GRM7: variants seen among roughly 807,000 people sequenced by gnomAD.
GRM7 encodes the protein metabotropic glutamate receptor 7.
Under a neutral mutation model 84.5 loss-of-function variants are expected in GRM7, and 35 were observed. The observed-to-expected ratio is 0.41, with a 90% confidence interval of 0.32 to 0.55. GRM7 has a LOEUF of 0.55. Among genes scored for constraint, GRM7 ranks in the 20% least tolerant of loss-of-function variants. The pLI, the probability that GRM7 is intolerant of heterozygous loss-of-function variation, is 0.19. For missense variants in GRM7, 1,003 were observed against 1,194.6 expected, an observed-to-expected ratio of 0.84 and a Z score of 2.36; for synonymous variants, 487 against 455.1, an observed-to-expected ratio of 1.07 and a Z score of -0.89.
intron 7 of GRM7, among the ~76,000 whole-genome samples, chr3:7,487,956 A>G (rs1193946062): frequency 6.6e-6 from 1 of 152,164 alleles, no homozygotes; most frequent in African/African-American, 2.4e-5. Context: ...GCAAAGCCAC[A>G]GGGGAGGAGC....
intron 1 of GRM7, among the ~76,000 whole-genome samples, chr3:7,118,003 C>A (rs1240122608): frequency 6.6e-6 from 1 of 152,114 alleles, no homozygotes; most frequent in South Asian, 2.1e-4. Flanking sequence ...GTACAAAAAA[C>A]TCCTTAACTA....
intron 7 of GRM7, among the ~76,000 whole-genome samples, chr3:7,462,320 G>A (rs902789616): frequency 6.6e-6 from 1 of 152,188 alleles, no homozygotes; most frequent in African/African-American, 2.4e-5. Flanking sequence ...TTCTATTTAG[G>A]CCTTGAAATA....
rs148256858 is a variant in GRM7, at chr3:7,368,163, G to A, written c.1034-46860G>A. The stretch of plus-strand genomic sequence containing the variant: ...AGCTGTGTGGACTTCTTATCTGCCC[G>A]GGAGATTGGTTTACAAAGACTACAA... On this transcript the variant is annotated intron_variant, in intron 4 of 9. Coordinates refer to ENST00000357716, the MANE Select transcript of GRM7 (RefSeq NM_000844.4). 6.6e-4 allele frequency among the ~76,000 whole-genome samples: 101 copies of A among 151,992 alleles called. 1 individual carries two copies. Among genetic ancestry groups the A allele is most frequent in the East Asian group, 5.4e-3 (28 of 5,156 alleles).
In GRM7 at chr3:7,390,087, A is replaced by G. The variant is rs532239522; in HGVS notation, c.1034-24936A>G. Among the ~76,000 whole-genome samples the G allele has an allele frequency of 5.9e-5, 9 of 152,164 alleles. 1 individual carries two copies. The East Asian group carries it at 1.2e-3, about 20-fold the overall frequency. ...CCCCTAGTGATTGCTTGTCTGGGAAATATTTTATTTCTCCTTCATTTATGA... is the reference window on the plus strand; with the variant it reads ...CCCCTAGTGATTGCTTGTCTGGGAAGTATTTTATTTCTCCTTCATTTATGA... On this transcript the variant is annotated intron_variant, in intron 4 of 9. Transcript: ENST00000357716.
chr3:7,493,922 T>A (rs757215880), intron 7 of GRM7, among the ~76,000 whole-genome samples: 16 of 152,116 alleles, frequency 1.1e-4, no homozygotes, highest in Non-Finnish European at 2.2e-4. Context: ...ATTATTTTTG[T>A]GAAACTTGGA....
intron 1 of GRM7, among the ~76,000 whole-genome samples, chr3:7,126,902 CTA>C (rs1693420388): frequency 6.6e-6 from 1 of 152,146 alleles, no homozygotes; most frequent in Admixed American, 6.5e-5. Context: ...CATTTGGACA[CTA>C]TGTCCCTGAG....
chr3:7,538,840 C>T (rs1470626606), intron 7 of GRM7, among the ~76,000 whole-genome samples: 1 of 152,152 alleles, frequency 6.6e-6, no homozygotes, highest in African/African-American at 2.4e-5. Context: ...ATCAAGTGAA[C>T]AGATGCCAGA....
At chr3:7,659,733 G>A (rs1699352489) in intron 8 of GRM7, among the ~76,000 whole-genome samples, 2 of 152,262 alleles carry the variant, frequency 1.3e-5, no homozygotes, top group South Asian at 4.1e-4. Context: ...CAGCAACAAG[G>A]TCTCACTGAG....
intron 1 of GRM7, among the ~76,000 whole-genome samples, chr3:7,061,110 C>G (rs1475395958): frequency 1.3e-5 from 2 of 151,702 alleles, no homozygotes; most frequent in African/African-American, 4.8e-5. Flanking sequence ...TGTGGGCAGA[C>G]TCTTGAAGAC....
chr3:7,364,119 CTTGA>C (rs1481967726), intron 4 of GRM7, among the ~76,000 whole-genome samples: 5 of 151,692 alleles, frequency 3.3e-5, no homozygotes, highest in African/African-American at 7.3e-5. Flanking sequence ...AATGTTCTAC[CTTGA>C]TTATGTTTGT....
chr3:7,160,138 C>T (rs1694578976), intron 2 of GRM7, among the ~76,000 whole-genome samples: 3 of 152,070 alleles, frequency 2.0e-5, no homozygotes, highest in Admixed American at 2.0e-4. Flanking sequence ...TGATATTTGG[C>T]TGCCCCATCT....
chr3:6,965,241 C>A (rs1253178112), intron 1 of GRM7, among the ~76,000 whole-genome samples: 1 of 152,208 alleles, frequency 6.6e-6, no homozygotes, highest in African/African-American at 2.4e-5. Context: ...CAAGAACAAT[C>A]CAGTCTTCTG....
chr3:7,691,375 T>C (rs1233448864), intron 9 of GRM7: 7 of 631,292 alleles, frequency 1.1e-5, no homozygotes, highest in Non-Finnish European at 1.6e-5. Flanking sequence ...TGTGCTATCT[T>C]TTTCTCTGGT....
chr3:7,623,098 T>C (rs1697436051), intron 8 of GRM7, among the ~76,000 whole-genome samples: 1 of 152,158 alleles, frequency 6.6e-6, no homozygotes, highest in South Asian at 2.1e-4. Flanking sequence ...TAATTCAGCC[T>C]AGCTAAGTTG....
At chr3:7,221,418 T>C (rs1215648816) in intron 2 of GRM7, among the ~76,000 whole-genome samples, 2 of 152,156 alleles carry the variant, frequency 1.3e-5, no homozygotes, top group East Asian at 3.9e-4. Context: ...TTCCATTGGG[T>C]TGTTTTTCTT....
chr3:7,303,181 C>A (rs1211606266), intron 3 of GRM7, among the ~76,000 whole-genome samples: 1 of 152,086 alleles, frequency 6.6e-6, no homozygotes, highest in East Asian at 1.9e-4. Context: ...ACCTTGTGAT[C>A]CACCTGCCTT....
At chr3:7,435,007 T>C (rs973917695) in intron 5 of GRM7, among the ~76,000 whole-genome samples, 6 of 152,182 alleles carry the variant, frequency 3.9e-5, no homozygotes, top group Admixed American at 2.6e-4. Flanking sequence ...ATATATTAGT[T>C]CTTAAGTGAG....
chr3:7,538,644 A>T lies in GRM7; in HGVS notation c.1516-39778A>T, dbSNP rs1692694052. Among the ~76,000 whole-genome samples the T allele has an allele frequency of 2.0e-5, 3 of 152,194 alleles. No homozygotes were observed. In the South Asian group the frequency reaches 6.2e-4, roughly 32 times the overall value. On this transcript the variant is annotated intron_variant, in intron 7 of 9. Transcript: ENST00000357716. ...TAAAATTGTATTCAAATCAGTAAAC[A>T]TCACTGAGTGCCTGCAAGTTGTCTG...
At chr3:7,148,836 C>A (rs562164767) in intron 2 of GRM7, among the ~76,000 whole-genome samples, 10 of 152,208 alleles carry the variant, frequency 6.6e-5, no homozygotes, top group African/African-American at 2.4e-4. Flanking sequence ...AGAGCCTTTC[C>A]CCTTGAGGAC....
Sources: allele counts gnomAD v4.1 joint callset (sites outside exome capture counted in the v4.1 genomes callset), GRCh38; gene constraint gnomAD v4.1.1; transcripts MANE v1.5; gene names NCBI Gene and HGNC (gene_info 2026-07-23, HGNC 2026-07-21).